Variants in SH3BGRL2 observed in about 807,000 individuals in gnomAD.
SH3BGRL2 encodes the protein SH3 domain-binding glutamic acid-rich-like protein 2.
A neutral mutation model predicts 14.8 loss-of-function variants in SH3BGRL2; 21 were observed. The observed-to-expected ratio is 1.42, with a 90% CI of 1.01 to 2.05. The LOEUF is 2.05. Ranked by LOEUF, SH3BGRL2 falls within the 30% of genes most tolerant of loss-of-function variation. The pLI, the probability that SH3BGRL2 is intolerant of heterozygous loss-of-function variation, is 0.00. For synonymous variants in SH3BGRL2, 50 were observed against 47.8 expected, an observed-to-expected ratio of 1.05 and a Z score of -0.19; for missense variants, 147 against 130.8, an observed-to-expected ratio of 1.12 and a Z score of -0.61.
chr6:79,562,687 T>C, the SH3BGRL2 span, among the ~76,000 whole-genome samples: 1 of 152,238 alleles, frequency 6.6e-6, no homozygotes, highest in Non-Finnish European at 1.5e-5. Flanking sequence ...GGCCTTTTCA[T>C]ACTGTCTGTA....
At chr6:79,693,818 A>G (rs1410501791) in intron 2 of SH3BGRL2, among the ~76,000 whole-genome samples, 1 of 152,218 alleles carries the variant, frequency 6.6e-6, no homozygotes, top group East Asian at 1.9e-4. Context: ...TGGGGTAGAA[A>G]TAGTGAGATT....
intron 1 of SH3BGRL2, among the ~76,000 whole-genome samples, chr6:79,632,027 A>ACCTGCGCAAAGAG (rs1768835724): frequency 6.6e-6 from 1 of 152,212 alleles, no homozygotes; most frequent in Non-Finnish European, 1.5e-5. Flanking sequence ...CAAAGAGAAT[A>ACCTGCGCAAAGAG]GTAAAACTAG....
the SH3BGRL2 span, among the ~76,000 whole-genome samples, chr6:79,555,367 T>G: frequency 6.6e-6 from 1 of 152,078 alleles, no homozygotes; most frequent in Non-Finnish European, 1.5e-5. Flanking sequence ...GGAAAATTGC[T>G]TGAACCCAGG....
At chr6:79,665,590 C>A (rs1769641420) in intron 1 of SH3BGRL2, among the ~76,000 whole-genome samples, 1 of 151,868 alleles carries the variant, frequency 6.6e-6, no homozygotes. Context: ...GAAAACAGGA[C>A]CAAAAATATT....
the SH3BGRL2 span, among the ~76,000 whole-genome samples, chr6:79,624,363 AATAT>A: frequency 6.6e-6 from 1 of 151,074 alleles, no homozygotes; most frequent in Non-Finnish European, 1.5e-5. Context: ...ATTTTTGATT[AATAT>A]ATAGATAATA....
the SH3BGRL2 span, among the ~76,000 whole-genome samples, chr6:79,611,866 T>G: frequency 6.6e-6 from 1 of 152,216 alleles, no homozygotes. Flanking sequence ...TTGTTATCTG[T>G]AAAACAGGCA....
rs528320740 is a variant in SH3BGRL2 at position 79,645,791 on chromosome 6, T to C, written c.45+14285T>C. 2.0e-5 allele frequency among the ~76,000 whole-genome samples: 3 copies of C among 152,328 alleles called. No homozygotes were observed. In the East Asian group the frequency reaches 5.8e-4, roughly 29 times the overall value. ...CACATTATTAACTGTCTGACTTCTG[T>C]TGGCATTTGAATATTTGATTCTTTG... On this transcript the variant is annotated intron_variant, in intron 1 of 3. Coordinates refer to ENST00000369838, the MANE Select transcript of SH3BGRL2 (RefSeq NM_031469.4).
In SH3BGRL2 at chr6:79,631,861, A is replaced by G. The variant is rs180707479; in HGVS notation, c.45+355A>G. ...CCTTCCCCTAGTTTAGTTCTTCCCG[A>G]TTTGGGACCTTCAGACTGGTTATGT... On this transcript the variant is annotated intron_variant, in intron 1 of 3. Coordinates refer to ENST00000369838, the MANE Select transcript of SH3BGRL2 (RefSeq NM_031469.4). Among the ~76,000 whole-genome samples, 199 of 152,186 alleles carry G rather than the reference A, an allele frequency of 1.3e-3. 3 individuals are homozygous for G. The highest frequency in any genetic ancestry group is 4.4e-3 in the African/African-American group (182 of 41,532).
rs779892788 is a variant in SH3BGRL2, at chr6:79,631,447, G to T, written c.-15G>T. ...GCCCGGGGGGCAAGGGGTCTGTCCCGGGCGCAGCGAGAGGATGGTCATCCG... is the reference window on the plus strand; with the variant it reads ...GCCCGGGGGGCAAGGGGTCTGTCCCTGGCGCAGCGAGAGGATGGTCATCCG... On this transcript the variant is annotated 5_prime_UTR_variant, in exon 1 of 4. Transcript: ENST00000369838. 6.6e-7 allele frequency: 1 copy of T among 1,521,082 alleles called. No individual in the cohort carries two copies. Among genetic ancestry groups the T allele is most frequent in the Admixed American group, 2.1e-5 (1 of 48,222 alleles). 94.2% of individuals were successfully genotyped at this position (1,521,082 alleles called of 1,614,324 possible). A position where few individuals can be genotyped will look rare whatever the true frequency, so the allele number is the denominator to read the frequency against.
At chr6:79,611,066 T>A in the SH3BGRL2 span, among the ~76,000 whole-genome samples, 2 of 152,174 alleles carry the variant, frequency 1.3e-5, no homozygotes, top group Non-Finnish European at 2.9e-5. Context: ...GGCTCTAAAA[T>A]TCTATGATTT....
chr6:79,642,236 AT>A (rs1162190445), intron 1 of SH3BGRL2, among the ~76,000 whole-genome samples: 5 of 152,188 alleles, frequency 3.3e-5, no homozygotes, highest in Admixed American at 2.6e-4. Context: ...CCTAAATAAT[AT>A]AGTATTACAG....
chr6:79,698,336 T>G (rs1770374919), intron 3 of SH3BGRL2, among the ~76,000 whole-genome samples: 3 of 152,214 alleles, frequency 2.0e-5, no homozygotes, highest in South Asian at 4.1e-4. Context: ...TAATCTTCTA[T>G]TTTTTACCTT....
At chr6:79,548,855 T>C in the SH3BGRL2 span, among the ~76,000 whole-genome samples, 1,476 of 152,266 alleles carry the variant, frequency 9.7e-3, 33 homozygotes, top group African/African-American at 0.034. Context: ...TGGCAGGGCC[T>C]ATAGAAGACA....
chr6:79,589,956 A>T, the SH3BGRL2 span, among the ~76,000 whole-genome samples: 11 of 151,758 alleles, frequency 7.2e-5, no homozygotes, highest in Non-Finnish European at 1.5e-4. Flanking sequence ...TTTTTTTTGT[A>T]GAGACGTGGT....
chr6:79,623,001 T>C, the SH3BGRL2 span, among the ~76,000 whole-genome samples: 4 of 152,182 alleles, frequency 2.6e-5, no homozygotes, highest in South Asian at 6.2e-4. Context: ...AAGAACTTAA[T>C]GAGCTTTAAA....
At chr6:79,646,615 GTA>G (rs1435873996) in intron 1 of SH3BGRL2, among the ~76,000 whole-genome samples, 1 of 152,158 alleles carries the variant, frequency 6.6e-6, no homozygotes, top group African/African-American at 2.4e-5. Context: ...TTGTGTGTGT[GTA>G]TGTTTACTAT....
intron 1 of SH3BGRL2, among the ~76,000 whole-genome samples, chr6:79,657,514 C>CT (rs1185529730): frequency 1.3e-5 from 2 of 152,088 alleles, no homozygotes; most frequent in African/African-American, 4.8e-5. Context: ...TGATTTTAGT[C>CT]TTTTGACATG....
At chr6:79,660,529 G>T (rs890503193) in intron 1 of SH3BGRL2, among the ~76,000 whole-genome samples, 8 of 152,152 alleles carry the variant, frequency 5.3e-5, no homozygotes, top group African/African-American at 1.9e-4. Context: ...TGTGCTGCTG[G>T]ATTCAGTTTC....
rs190766501 is a variant in SH3BGRL2 at position 79,703,509 on chromosome 6, G to C, written c.*4000G>C. The C allele has an allele frequency of 6.6e-6, 1 of 152,068 alleles. No homozygotes were observed. The highest frequency in any genetic ancestry group is 1.5e-5 in the Non-Finnish European group (1 of 68,010). 9.4% of individuals were successfully genotyped at this position (152,068 alleles called of 1,614,324 possible). ...CTTATTGCCTTTCCTTTGAGGTACCGTGTGCGGTTTCCTGAACCTATCTCT... is the reference window on the plus strand; with the variant it reads ...CTTATTGCCTTTCCTTTGAGGTACCCTGTGCGGTTTCCTGAACCTATCTCT... On this transcript the variant is annotated 3_prime_UTR_variant, in exon 4 of 4. Transcript: ENST00000369838.
Sources: allele counts gnomAD v4.1 joint callset (sites outside exome capture counted in the v4.1 genomes callset), GRCh38; gene constraint gnomAD v4.1.1; transcripts MANE v1.5; gene names NCBI Gene and HGNC (gene_info 2026-07-23, HGNC 2026-07-21).